The following PCBP3 variants were observed in gnomAD, a reference collection of about 807,000 sequenced individuals.
PCBP3 encodes the protein poly(rC) binding protein 3, also known as poly(rC)-binding protein 3.
In PCBP3, 25 loss-of-function variants were observed where a neutral mutation model predicts 52.7. That is an observed-to-expected ratio of 0.47 (90% CI 0.35 to 0.66). PCBP3 has a LOEUF of 0.66. PCBP3 is among the 30% of genes least tolerant of loss of function. The pLI is 0.01. For missense variants in PCBP3, 391 were observed against 490.3 expected, an observed-to-expected ratio of 0.80 and a Z score of 1.91; for synonymous variants, 162 against 183.0, an observed-to-expected ratio of 0.89 and a Z score of 0.93.
Position 45,664,229 on chromosome 21 carries a change from G to T in PCBP3, c.-278-4645G>T, listed in dbSNP as rs1284763959. Among the ~76,000 whole-genome samples the T allele has an allele frequency of 2.4e-4, 14 of 59,292 alleles. 2 individuals carry two copies. Among genetic ancestry groups the T allele is most frequent in the African/African-American group, 9.2e-4 (14 of 15,278 alleles). 38.9% of individuals were successfully genotyped at this position (59,292 alleles called of 152,430 possible). On this transcript the variant is annotated intron_variant, in intron 1 of 17. Coordinates refer to ENST00000681687, the MANE Select transcript of PCBP3 (RefSeq NM_001384156.1). ...TATATACAGAATAATAATAATATAA[G>T]AATAATAATAATATAAATCACAAAC...
chr21:45,733,999 G>A (rs1361133724), intron 2 of PCBP3, among the ~76,000 whole-genome samples: 1 of 152,150 alleles, frequency 6.6e-6, no homozygotes, highest in East Asian at 1.9e-4. Context: ...CGTCAGTTTT[G>A]GACGGATGAA....
At chr21:45,739,056 G>A (rs60862316) in intron 3 of PCBP3, among the ~76,000 whole-genome samples, 2,659 of 85,342 alleles carry the variant, frequency 0.031, 186 homozygotes, top group Middle Eastern at 0.053. Flanking sequence ...TCCTGTCCAC[G>A]GTCCTCTGGG....
At chr21:45,712,528 A>G (rs564436859) in intron 2 of PCBP3, among the ~76,000 whole-genome samples, 10 of 151,888 alleles carry the variant, frequency 6.6e-5, no homozygotes, top group Non-Finnish European at 1.3e-4. Context: ...TTGAAAACTG[A>G]CTCTTCTGTA....
rs1603445232 is a variant in PCBP3, at chr21:45,827,292, G to A, written c.-125-22669G>A. Among the ~76,000 whole-genome samples, 1 of 152,324 alleles carries A rather than the reference G, an allele frequency of 6.6e-6. No individual in the cohort carries two copies. The highest frequency in any genetic ancestry group is 2.1e-4 in the South Asian group (1 of 4,824). ...ACACCTCTGCCCCCGCTGCGATGGTGTCGGAGGAGGCCGGTGAAAATGAGA... is the reference window on the plus strand; with the variant it reads ...ACACCTCTGCCCCCGCTGCGATGGTATCGGAGGAGGCCGGTGAAAATGAGA... On this transcript the variant is annotated intron_variant, in intron 4 of 17. Transcript: ENST00000681687. This position sits in a 1 kb window ranked among gnomAD's most constrained non-coding sequence, Gnocchi z 4.3.
chr21:45,818,863 C>T (rs1356227024), intron 4 of PCBP3, among the ~76,000 whole-genome samples: 2 of 152,180 alleles, frequency 1.3e-5, no homozygotes, highest in East Asian at 1.9e-4. Flanking sequence ...TGAAGTGATG[C>T]GGAGGAACCT....
At position 45,823,519 on chromosome 21, in the gene PCBP3, G is replaced by A. The variant is rs148909401; in HGVS notation, c.-125-26442G>A. 1.6e-4 allele frequency among the ~76,000 whole-genome samples: 24 copies of A among 152,172 alleles called. No homozygotes were observed. The East Asian group carries it at 3.9e-3, about 24-fold the overall frequency. ...ATGTCCCGCAGAACCACGCGTGTCC[G>A]TTCTTCTGAGAGTTTTTTCCTGGTC... is the stretch of plus-strand genomic sequence containing the variant. On this transcript the variant is annotated intron_variant, in intron 4 of 17. Transcript: ENST00000681687.
intron 3 of PCBP3, chr21:45,750,782 C>T (rs533240819): frequency 1.3e-5 from 2 of 152,032 alleles, no homozygotes; most frequent in African/African-American, 4.8e-5. Context: ...TTATTGCTGT[C>T]GAGTGTCTTT....
chr21:45,849,985 C>T lies in PCBP3; in HGVS notation c.-101C>T. The T allele has an allele frequency of 8.6e-7, 1 of 1,168,222 alleles. No individual in the cohort carries two copies. The highest frequency in any genetic ancestry group is 1.3e-6 in the Non-Finnish European group (1 of 797,330). 72.4% of individuals were successfully genotyped at this position (1,168,222 alleles called of 1,614,324 possible). A position where few individuals can be genotyped will look rare whatever the true frequency, so the allele number is the denominator to read the frequency against. On this transcript the variant is annotated 5_prime_UTR_variant, in exon 5 of 18. An upstream open reading frame in the 5' UTR gains an earlier in-frame stop. Coordinates refer to ENST00000681687, the MANE Select transcript of PCBP3 (RefSeq NM_001384156.1). ...GGTCGGTAGGCTCCACGACAAAAGT[C>T]AACCCTTCTGTAAATCACCTGCTGT... is the stretch of plus-strand genomic sequence containing the variant.
chr21:45,684,478 T>G (rs1030367186), intron 2 of PCBP3, among the ~76,000 whole-genome samples: 1 of 152,146 alleles, frequency 6.6e-6, no homozygotes, highest in African/African-American at 2.4e-5. Flanking sequence ...GGGAGGTGTT[T>G]GGATCATGGG....
chr21:45,730,378 A>G (rs1294842412), intron 2 of PCBP3, among the ~76,000 whole-genome samples: 1 of 151,886 alleles, frequency 6.6e-6, no homozygotes, highest in East Asian at 1.9e-4. Context: ...TTGATTTCTA[A>G]TTTAATTCCA....
At chr21:45,885,249 A>G (rs1055884918) in intron 5 of PCBP3, among the ~76,000 whole-genome samples, 2 of 152,184 alleles carry the variant, frequency 1.3e-5, no homozygotes, top group East Asian at 1.9e-4. Context: ...TCTCGCCTGA[A>G]ATCCACGCCA....
At chr21:45,657,111 G>A (rs1356495466) in intron 1 of PCBP3, among the ~76,000 whole-genome samples, 4 of 152,104 alleles carry the variant, frequency 2.6e-5, no homozygotes, top group African/African-American at 7.2e-5. Context: ...GTGAACTACC[G>A]TGCCCAGCCT....
chr21:45,923,237 C>G (rs968672279), intron 13 of PCBP3, among the ~76,000 whole-genome samples: 1 of 152,222 alleles, frequency 6.6e-6, no homozygotes. Context: ...GGTCCCCTCA[C>G]TGTAGTGAGA....
chr21:45,791,208 G>A lies in PCBP3; in HGVS notation c.-126+35756G>A, dbSNP rs541160065. 3.9e-5 allele frequency among the ~76,000 whole-genome samples: 6 copies of A among 152,276 alleles called. No individual in the cohort carries two copies. Among genetic ancestry groups the A allele is most frequent in the Admixed American group, 1.3e-4 (2 of 15,296 alleles). On this transcript the variant is annotated intron_variant, in intron 4 of 17. Transcript: ENST00000681687. The surrounding 1 kb of genome is among the most constrained non-coding windows in gnomAD (Gnocchi z 4.2). ...AGGGGGAGTTTTGAAGACAGGAATC[G>A]GTATGAGATATGCATATTTATATGT...
chr21:45,809,059 G>T, intron 4 of PCBP3, among the ~76,000 whole-genome samples: 1 of 152,110 alleles, frequency 6.6e-6, no homozygotes, highest in Non-Finnish European at 1.5e-5. Context: ...GGCTAGGCAA[G>T]GGATAGCATT....
chr21:45,911,116 G>A (rs755763768), intron 11 of PCBP3, 86 bp downstream of exon 11: 20 of 1,486,070 alleles, frequency 1.3e-5, no homozygotes, highest in Admixed American at 5.0e-5. Flanking sequence ...AGCCCCGGTC[G>A]CCCCAAGGAC....
intron 4 of PCBP3, among the ~76,000 whole-genome samples, chr21:45,843,436 C>G (rs2093740005): frequency 6.6e-6 from 1 of 152,168 alleles, no homozygotes; most frequent in South Asian, 2.1e-4. Context: ...TTATTATTAC[C>G]TTTCCACTTT....
rs1433143732 is a variant in PCBP3, at chr21:45,741,835, C to T, written c.-162+6406C>T. 6.6e-6 allele frequency among the ~76,000 whole-genome samples: 1 copy of T among 152,138 alleles called. No homozygotes were observed. Among genetic ancestry groups the T allele is most frequent in the Admixed American group, 6.5e-5 (1 of 15,282 alleles). ...AGGCCCGGCCTCTGGCTTGGTGAAT[C>T]TGAGGCAGATCTTTCTCCTCAGGTT... On this transcript the variant is annotated intron_variant, in intron 3 of 17. Coordinates refer to ENST00000681687, the MANE Select transcript of PCBP3 (RefSeq NM_001384156.1). The surrounding 1 kb of genome is among the most constrained non-coding windows in gnomAD (Gnocchi z 4.5).
chr21:45,719,673 C>T (rs1321801377), intron 2 of PCBP3, among the ~76,000 whole-genome samples: 5 of 152,192 alleles, frequency 3.3e-5, no homozygotes, highest in African/African-American at 9.6e-5. Context: ...TCTCCTTTGC[C>T]TTCTGCCGTG....
Sources: allele counts gnomAD v4.1 joint callset (sites outside exome capture counted in the v4.1 genomes callset), GRCh38; gene constraint gnomAD v4.1.1; non-coding constraint Gnocchi (gnomAD v3.1); transcripts MANE v1.5; gene names NCBI Gene and HGNC (gene_info 2026-07-23, HGNC 2026-07-21).